Variants in ARHGEF10L observed in about 807,000 individuals in gnomAD.
The protein encoded by ARHGEF10L is rho guanine nucleotide exchange factor 10-like protein.
Under a neutral mutation model 141.2 loss-of-function variants are expected in ARHGEF10L, and 69 were observed. The observed-to-expected ratio is 0.49, with a 90% CI of 0.40 to 0.60. The LOEUF is 0.60. Among genes scored for constraint, ARHGEF10L ranks in the 20% least tolerant of loss-of-function variants. ARHGEF10L has a pLI of 0.00. For missense variants in ARHGEF10L, 1,482 were observed against 1,734.3 expected (o/e 0.85, Z 2.58); for synonymous variants, 711 against 718.5 (o/e 0.99, Z 0.17).
chr1:17,655,437 GTCCA>G (rs55790600), intron 23 of ARHGEF10L, among the ~76,000 whole-genome samples: 63,141 of 148,338 alleles, frequency 0.43, 14,139 homozygotes, highest in African/African-American at 0.59. Context: ...TCTATCATCT[GTCCA>G]TCCATCCATC....
chr1:17,635,521 C>T (rs1367032671), intron 18 of ARHGEF10L, among the ~76,000 whole-genome samples: 2 of 152,204 alleles, frequency 1.3e-5, no homozygotes, highest in Non-Finnish European at 2.9e-5. Context: ...ATGGGCCATG[C>T]TCCCTCCCAC....
intron 1 of ARHGEF10L, among the ~76,000 whole-genome samples, chr1:17,545,428 C>T (rs1188911329): frequency 6.6e-6 from 1 of 152,138 alleles, no homozygotes; most frequent in Non-Finnish European, 1.5e-5. Flanking sequence ...GTAAATTGCC[C>T]TCAAATCACA....
the ARHGEF10L span, among the ~76,000 whole-genome samples, chr1:17,527,076 C>A: frequency 1.6e-4 from 24 of 152,278 alleles, no homozygotes; most frequent in African/African-American, 5.3e-4. Context: ...AAAAGTTGTT[C>A]TGGAAACTAC....
upstream of ARHGEF10L, among the ~76,000 whole-genome samples, chr1:17,537,038 TTTTTA>T (rs149201327): frequency 0.86 from 126,453 of 147,716 alleles, 54,561 homozygotes; most frequent in East Asian, 0.96. Flanking sequence ...TCTGGCTAGA[TTTTTA>T]TTTTATTTTA....
intron 27 of ARHGEF10L, among the ~76,000 whole-genome samples, chr1:17,688,406 T>TGCA (rs2064795757): frequency 6.6e-6 from 1 of 152,218 alleles, no homozygotes. Context: ...CTGCTCAAGA[T>TGCA]GCAGGCACCA....
In ARHGEF10L at chr1:17,627,597, C is replaced by T; in HGVS notation, c.1584+94C>T. 2 of 1,459,838 alleles carry T rather than the reference C, an allele frequency of 1.4e-6. No homozygotes were observed. Among genetic ancestry groups the T allele is most frequent in the Non-Finnish European group, 1.8e-6 (2 of 1,084,420 alleles). The allele number at this position is 1,459,838 out of a possible 1,614,324, so 90.4% of individuals were successfully genotyped here. On this transcript the variant is annotated intron_variant, in intron 15 of 28. Coordinates refer to ENST00000361221, the MANE Select transcript of ARHGEF10L (RefSeq NM_018125.4). The surrounding 1 kb of genome is among the most constrained non-coding windows in gnomAD (Gnocchi z 4.0). ...GCCCCACGCCACCCACACTAGGTGG[C>T]AGTGTTCTCTGAGGGAGGGGAGGCC... is the stretch of plus-strand genomic sequence containing the variant.
chr1:17,561,523 C>G (rs80181380), intron 1 of ARHGEF10L, among the ~76,000 whole-genome samples: 2,806 of 152,328 alleles, frequency 0.018, 88 homozygotes, highest in African/African-American at 0.064. Context: ...GGGGGAGCCT[C>G]ACAAACCCTG....
the ARHGEF10L span, among the ~76,000 whole-genome samples, chr1:17,531,630 C>T: frequency 9.9e-4 from 151 of 152,240 alleles, no homozygotes; most frequent in African/African-American, 3.3e-3. Flanking sequence ...CCTCTGTAAA[C>T]GGGAGAGATG....
At chr1:17,609,595 C>T (rs2059437628) in intron 7 of ARHGEF10L, among the ~76,000 whole-genome samples, 1 of 152,148 alleles carries the variant, frequency 6.6e-6, no homozygotes, top group Non-Finnish European at 1.5e-5. Flanking sequence ...GTACAATTTT[C>T]AAAGCTAAAC....
At chr1:17,583,202 TAAAAAAAAAAA>T (rs59088704) in intron 2 of ARHGEF10L, among the ~76,000 whole-genome samples, 1 of 111,786 alleles carries the variant, frequency 8.9e-6, no homozygotes, top group African/African-American at 3.5e-5. Context: ...GAGCTTCATT[TAAAAAAAAAAA>T]AAAAAAAAAA....
intron 26 of ARHGEF10L, among the ~76,000 whole-genome samples, chr1:17,676,002 G>A (rs546376679): frequency 8.0e-5 from 12 of 150,592 alleles, no homozygotes; most frequent in Non-Finnish European, 1.5e-4. Flanking sequence ...GCAGGTGTGG[G>A]TGCAGGTGTG....
In ARHGEF10L at chr1:17,696,867, C is replaced by T. The variant is rs747676776; in HGVS notation, c.3327C>T (p.Leu1109=). The T allele has an allele frequency of 6.4e-6, 10 of 1,570,334 alleles. No individual in the cohort carries two copies. The South Asian group carries it at 9.3e-5, about 15-fold the overall frequency. The stretch of plus-strand genomic sequence containing the variant: ...CTGCAGGGAAAGGCATGGTCTCACT[C>T]AACGGGCACTGTGGGCCTGTGGCCT... ...PKITGKGMVS[L]NGHCGPVAFL... is the part of the protein sequence containing the mutation. Residue 1109 remains leucine, a synonymous_variant, in exon 29 of 29, where the codon CTC becomes CTT. Coordinates refer to ENST00000361221, the MANE Select transcript of ARHGEF10L (RefSeq NM_018125.4).
the ARHGEF10L span, among the ~76,000 whole-genome samples, chr1:17,529,452 G>C: frequency 6.6e-6 from 1 of 152,234 alleles, no homozygotes; most frequent in Non-Finnish European, 1.5e-5. Context: ...TCTCAGGGTG[G>C]GGAGGGCTAT....
intron 17 of ARHGEF10L, 128 bp downstream of exon 17, chr1:17,634,690 C>A: frequency 6.8e-7 from 1 of 1,469,240 alleles, no homozygotes; most frequent in Non-Finnish European, 9.2e-7. Context: ...GATCCCTGCT[C>A]TGCCTGGCTT....
rs974055843 is a variant in ARHGEF10L at position 17,644,513 on chromosome 1, A to T, written c.2273-4041A>T. Among the ~76,000 whole-genome samples the T allele has an allele frequency of 2.0e-5, 3 of 152,166 alleles. No homozygotes were observed. Among genetic ancestry groups the T allele is most frequent in the Non-Finnish European group, 4.4e-5 (3 of 68,034 alleles). ...GTGGCTACTTGCTTGGCCTCCCTGG[A>T]CACCAGTGGCCCTCTCTGTAGGGGA... is the stretch of plus-strand genomic sequence containing the variant. On this transcript the variant is annotated intron_variant, in intron 21 of 28. Coordinates refer to ENST00000361221, the MANE Select transcript of ARHGEF10L (RefSeq NM_018125.4). The surrounding 1 kb of genome is among the most constrained non-coding windows in gnomAD (Gnocchi z 4.5).
intron 1 of ARHGEF10L, among the ~76,000 whole-genome samples, chr1:17,566,163 G>A (rs1042227960): frequency 2.6e-5 from 4 of 152,272 alleles, no homozygotes; most frequent in African/African-American, 9.6e-5. Context: ...CCTCTGATCC[G>A]GGTTTCCCAA....
At chr1:17,630,797 C>T (rs2060636809) in intron 15 of ARHGEF10L, among the ~76,000 whole-genome samples, 2 of 152,232 alleles carry the variant, frequency 1.3e-5, no homozygotes, top group African/African-American at 4.8e-5. Flanking sequence ...GGCATTTGGT[C>T]CCACTGGGAC....
intron 21 of ARHGEF10L, among the ~76,000 whole-genome samples, chr1:17,643,717 G>A (rs932373166): frequency 7.2e-5 from 11 of 152,156 alleles, no homozygotes; most frequent in South Asian, 2.1e-4. Context: ...CAGGGCTCTC[G>A]TGAAAATGTG....
intron 27 of ARHGEF10L, among the ~76,000 whole-genome samples, chr1:17,688,313 G>A (rs1451682212): frequency 2.6e-5 from 4 of 152,182 alleles, no homozygotes; most frequent in African/African-American, 9.7e-5. Flanking sequence ...GAGGGGAATG[G>A]CGGCGAAGGA....
Sources: allele counts gnomAD v4.1 joint callset (sites outside exome capture counted in the v4.1 genomes callset), GRCh38; gene constraint gnomAD v4.1.1; non-coding constraint Gnocchi (gnomAD v3.1); transcripts MANE v1.5; gene names NCBI Gene and HGNC (gene_info 2026-07-23, HGNC 2026-07-21).